The following PLCH1 variants were observed in gnomAD, a reference collection of about 807,000 sequenced individuals.
The protein encoded by PLCH1 is 1-phosphatidylinositol 4,5-bisphosphate phosphodiesterase eta-1.
Under a neutral mutation model 126.7 loss-of-function variants are expected in PLCH1, and 60 were observed. The ratio of observed to expected loss-of-function variants is 0.47; its 90% CI spans 0.38 to 0.59. The LOEUF (loss-of-function observed/expected upper bound fraction) is 0.59, where lower values mean the gene tolerates loss of function less well. Ranked by LOEUF, PLCH1 falls within the 20% of genes least tolerant of loss-of-function variation. The pLI is 0.00. For missense variants in PLCH1, 1,723 were observed against 2,040.0 expected, an observed-to-expected ratio of 0.84 and a Z score of 2.99; for synonymous variants, 719 against 734.9, an observed-to-expected ratio of 0.98 and a Z score of 0.35.
intron 11 of PLCH1, 42 bp from the exon 12 acceptor site, chr3:155,514,926 A>G: frequency 7.2e-7 from 1 of 1,380,208 alleles, no homozygotes; most frequent in Non-Finnish European, 9.9e-7. Flanking sequence ...CTTAAGAAAC[A>G]CACCGAATTA....
intron 1 of PLCH1, among the ~76,000 whole-genome samples, chr3:155,709,733 T>C (rs1746953497): frequency 6.6e-6 from 1 of 150,910 alleles, no homozygotes; most frequent in South Asian, 2.1e-4. Flanking sequence ...TCCTTCCATC[T>C]CAACCTCCTG....
chr3:155,611,412 A>G (rs756514151), intron 2 of PLCH1, among the ~76,000 whole-genome samples: 6 of 152,134 alleles, frequency 3.9e-5, no homozygotes, highest in Non-Finnish European at 8.8e-5. Flanking sequence ...AAATACAAAT[A>G]AAAAAACAAA....
Position 155,482,528 on chromosome 3 carries a change from C to G in PLCH1, c.3498G>C (p.Glu1166Asp), listed in dbSNP as rs566288633. The G allele has an allele frequency of 1.5e-5, 24 of 1,614,048 alleles. No homozygotes were observed. The East Asian group carries it at 4.9e-4, about 33-fold the overall frequency. The change falls in exon 23 of 23, where the codon GAG becomes GAC. Residue 1166 changes from glutamate (E) to aspartate (D), a missense_variant. By Grantham distance (45) the Glu-to-Asp change is conservative. Transcript: ENST00000460012. Reference sequence around the variant, plus strand: ...TGTCAATAAGATGGGAAATTACACTCTCCTGCAGAATTGCAGTTGAATGTA... The same window carrying G: ...TGTCAATAAGATGGGAAATTACACTGTCCTGCAGAATTGCAGTTGAATGTA... The part of the protein sequence containing the change: ...PDLHSTAILQ[E>D]SVISHLIDNV...
rs1282090093 is a variant in PLCH1 at position 155,514,527 on chromosome 3, T to A, written c.1632+196A>T. Among the ~76,000 whole-genome samples the A allele has an allele frequency of 2.6e-5, 4 of 152,218 alleles. No homozygotes were observed. In the South Asian group the frequency reaches 8.3e-4, roughly 32 times the overall value. The stretch of plus-strand genomic sequence containing the variant: ...CTGAGGGTCCAAGTGGAGCAGTATT[T>A]GAGTCATTTCTACCTCCACCCAATC... On this transcript the variant is annotated intron_variant, in intron 12 of 22. Coordinates refer to ENST00000460012, the MANE Select transcript of PLCH1 (RefSeq NM_014996.4).
chr3:155,528,987 C>A (rs1722313393), intron 10 of PLCH1, among the ~76,000 whole-genome samples: 1 of 152,118 alleles, frequency 6.6e-6, no homozygotes, highest in African/African-American at 2.4e-5. Context: ...GGGAGAAAAA[C>A]AATGCAAATG....
chr3:155,692,895 A>C, intron 2 of PLCH1, among the ~76,000 whole-genome samples: 1 of 151,806 alleles, frequency 6.6e-6, no homozygotes, highest in East Asian at 1.9e-4. Context: ...AATAGCTGGG[A>C]TCTCCTGCCT....
intron 11 of PLCH1, among the ~76,000 whole-genome samples, chr3:155,522,648 A>G (rs897841207): frequency 2.0e-5 from 3 of 152,132 alleles, no homozygotes; most frequent in African/African-American, 7.2e-5. Context: ...GTTGTTAACA[A>G]TGTAATAACT....
chr3:155,662,731 C>G (rs1372753997), intron 2 of PLCH1, among the ~76,000 whole-genome samples: 3 of 152,126 alleles, frequency 2.0e-5, no homozygotes, highest in African/African-American at 7.2e-5. Flanking sequence ...GTGGCGCAAT[C>G]TCAGCTCACT....
chr3:155,601,835 C>T lies in PLCH1; in HGVS notation c.80-5457G>A, dbSNP rs1399870659. Among the ~76,000 whole-genome samples the T allele has an allele frequency of 1.1e-4, 16 of 152,238 alleles. 1 individual carries two copies. Among genetic ancestry groups the T allele is most frequent in the African/African-American group, 3.9e-4 (16 of 41,544 alleles). Reference sequence around the variant, plus strand: ...CAACATTTCCATTATCCCTCATGCCCATTTGCAGTCACTCCCCATTTTCAC... The same window carrying T: ...CAACATTTCCATTATCCCTCATGCCTATTTGCAGTCACTCCCCATTTTCAC... On this transcript the variant is annotated intron_variant, in intron 2 of 22. Coordinates refer to ENST00000460012, the MANE Select transcript of PLCH1 (RefSeq NM_014996.4).
In PLCH1 at chr3:155,700,223, T is replaced by G. The variant is rs372019127; in HGVS notation, c.79+3923A>C. 7.9e-5 allele frequency among the ~76,000 whole-genome samples: 12 copies of G among 152,334 alleles called. No individual in the cohort carries two copies. The South Asian group carries it at 2.3e-3, about 29-fold the overall frequency. On this transcript the variant is annotated intron_variant, in intron 2 of 22. Coordinates refer to ENST00000460012, the MANE Select transcript of PLCH1 (RefSeq NM_014996.4). ...CATTACAAACTAGCAGTCAAGTTTCTACCCTCACATCACCAACTAGGTCTG... is the reference window on the plus strand; with the variant it reads ...CATTACAAACTAGCAGTCAAGTTTCGACCCTCACATCACCAACTAGGTCTG...
intron 2 of PLCH1, among the ~76,000 whole-genome samples, chr3:155,605,030 A>G (rs1007901758): frequency 6.6e-6 from 1 of 152,212 alleles, no homozygotes; most frequent in African/African-American, 2.4e-5. Flanking sequence ...GTCTCCCGCC[A>G]TTCAAGTTGG....
chr3:155,485,638 G>A lies in PLCH1; in HGVS notation c.2692C>T (p.His898Tyr). 1 of 1,611,308 alleles carries A rather than the reference G, an allele frequency of 6.2e-7. No individual in the cohort carries two copies. Among genetic ancestry groups the A allele is most frequent in the Non-Finnish European group, 8.5e-7 (1 of 1,179,940 alleles). Residue 898 changes from histidine (H) to tyrosine (Y), a missense_variant, in exon 22 of 23, where the codon CAT becomes TAT. Transcript: ENST00000460012. ...PRHSSSENNS[H>Y]YVRKRSIGDR... ...CCAATGGATCGCTTCCGTACATAAT[G>A]GGAATTGTTTTCTGAAGAACTGTGC... is the stretch of plus-strand genomic sequence containing the variant.
intron 4 of PLCH1, among the ~76,000 whole-genome samples, chr3:155,589,765 C>A (rs1731858076): frequency 6.6e-6 from 1 of 152,116 alleles, no homozygotes; most frequent in African/African-American, 2.4e-5. Context: ...TAAAGATTTG[C>A]CACTCTTTAC....
At chr3:155,626,532 G>A (rs980289256) in intron 2 of PLCH1, among the ~76,000 whole-genome samples, 23 of 152,064 alleles carry the variant, frequency 1.5e-4, no homozygotes, top group African/African-American at 4.8e-4. Context: ...CCCTTTGGGA[G>A]GCCAAGGCGG....
At chr3:155,464,646 G>T (rs944486786) in intron 21 of PLCH1, among the ~76,000 whole-genome samples, 1 of 151,932 alleles carries the variant, frequency 6.6e-6, no homozygotes, top group Admixed American at 6.6e-5. Flanking sequence ...CCTTGTGACC[G>T]AATGAGTCCC....
At chr3:155,580,735 T>C (rs984609377) in intron 6 of PLCH1, among the ~76,000 whole-genome samples, 4 of 152,162 alleles carry the variant, frequency 2.6e-5, no homozygotes, top group Admixed American at 2.0e-4. Flanking sequence ...AGAAGTAACA[T>C]TTCCAGAAAA....
At chr3:155,734,875 AT>A (rs1244114781) in intron 1 of PLCH1, among the ~76,000 whole-genome samples, 1 of 151,770 alleles carries the variant, frequency 6.6e-6, no homozygotes, top group Admixed American at 6.6e-5. Context: ...CGCCCGGCTA[AT>A]TTTTTTGTAT....
At chr3:155,707,952 G>A (rs1244665422) in intron 1 of PLCH1, among the ~76,000 whole-genome samples, 1 of 152,138 alleles carries the variant, frequency 6.6e-6, no homozygotes, top group Non-Finnish European at 1.5e-5. Context: ...ACATGCCACT[G>A]CCTTCATGAA....
downstream of PLCH1, among the ~76,000 whole-genome samples, chr3:155,476,346 G>A (rs1379563022): frequency 6.6e-6 from 1 of 151,994 alleles, no homozygotes; most frequent in African/African-American, 2.4e-5. Flanking sequence ...ATATTGAATG[G>A]GGGAAAAACT....
Sources: allele counts gnomAD v4.1 joint callset (sites outside exome capture counted in the v4.1 genomes callset), GRCh38; gene constraint gnomAD v4.1.1; transcripts MANE v1.5; gene names NCBI Gene and HGNC (gene_info 2026-07-23, HGNC 2026-07-21).